SPATA13: variants seen among roughly 807,000 people sequenced by gnomAD.
SPATA13 encodes the protein spermatogenesis-associated protein 13.
In SPATA13, 50 loss-of-function variants were observed where a neutral mutation model predicts 104.0. That is an observed-to-expected ratio of 0.48 (90% confidence interval 0.38 to 0.61). The LOEUF is 0.61. Among genes scored for constraint, SPATA13 ranks in the 20% least tolerant of loss-of-function variants. The pLI is 0.00. For missense variants in SPATA13, 1,524 were observed against 1,690.6 expected, an observed-to-expected ratio of 0.90 and a Z score of 1.73; for synonymous variants, 606 against 667.5, an observed-to-expected ratio of 0.91 and a Z score of 1.42.
At chr13:24,034,903 C>T (rs1173591692) in intron 3 of SPATA13, 1 of 152,242 alleles carries the variant, frequency 6.6e-6, no homozygotes, top group African/African-American at 2.4e-5. Context: ...TAAGCATTCA[C>T]AGGGCCAGGC....
At chr13:24,192,886 C>A (rs9511124) in intron 1 of SPATA13, among the ~76,000 whole-genome samples, 1 of 152,038 alleles carries the variant, frequency 6.6e-6, no homozygotes, top group Non-Finnish European at 1.5e-5. Flanking sequence ...CAGAGCCCAG[C>A]AGGTGGTCCT....
chr13:24,182,928 C>T (rs996798051), intron 1 of SPATA13, among the ~76,000 whole-genome samples: 9 of 152,166 alleles, frequency 5.9e-5, no homozygotes, highest in East Asian at 3.8e-4. Flanking sequence ...CGAGGGCTCA[C>T]AGCAGGGCCT....
At chr13:24,016,244 C>A (rs1172694275) in intron 2 of SPATA13, among the ~76,000 whole-genome samples, 1 of 152,158 alleles carries the variant, frequency 6.6e-6, no homozygotes, top group Non-Finnish European at 1.5e-5. Context: ...TCCCTGCCCA[C>A]CCCTGGAGTG....
chr13:24,144,023 A>G (rs763598523), intron 3 of SPATA13, among the ~76,000 whole-genome samples: 1 of 152,208 alleles, frequency 6.6e-6, no homozygotes, highest in Non-Finnish European at 1.5e-5. Context: ...CAAAGCACGT[A>G]GAGTGGGGAG....
chr13:24,158,260 C>A (rs1310397884), upstream of SPATA13, among the ~76,000 whole-genome samples: 1 of 152,130 alleles, frequency 6.6e-6, no homozygotes, highest in Non-Finnish European at 1.5e-5. Context: ...TTGCAGGAAA[C>A]AACAGAATGC....
chr13:24,215,193 G>A (rs1871211584), intron 1 of SPATA13, among the ~76,000 whole-genome samples: 2 of 152,338 alleles, frequency 1.3e-5, no homozygotes, highest in Non-Finnish European at 2.9e-5. Flanking sequence ...TTCATTGGTG[G>A]CATCATGTCA....
chr13:24,076,824 G>A (rs890829006), intron 3 of SPATA13, among the ~76,000 whole-genome samples: 3 of 151,882 alleles, frequency 2.0e-5, no homozygotes, highest in African/African-American at 7.3e-5. Context: ...CCCAGGGGGC[G>A]TGTTCCAGCA....
chr13:24,038,834 G>A (rs957919569), intron 3 of SPATA13, among the ~76,000 whole-genome samples: 1 of 152,128 alleles, frequency 6.6e-6, no homozygotes, highest in Admixed American at 6.6e-5. Context: ...CAAAAAATTG[G>A]GTGGAATCCT....
intron 1 of SPATA13, among the ~76,000 whole-genome samples, chr13:24,215,727 A>C (rs6490886): frequency 6.6e-6 from 1 of 152,036 alleles, no homozygotes; most frequent in South Asian, 2.1e-4. Flanking sequence ...CTGTTGGGTG[A>C]CTTAGCCTGT....
chr13:24,071,771 C>T (rs1449389006), intron 3 of SPATA13, among the ~76,000 whole-genome samples: 1 of 152,208 alleles, frequency 6.6e-6, no homozygotes, highest in Non-Finnish European at 1.5e-5. Context: ...GGCATTGTCA[C>T]TCACTTTGCT....
intron 2 of SPATA13, among the ~76,000 whole-genome samples, chr13:24,006,917 A>T (rs1166788124): frequency 6.6e-6 from 1 of 152,208 alleles, no homozygotes; most frequent in African/African-American, 2.4e-5. Context: ...TGGAAGGAGG[A>T]TGCTGTGGCA....
At chr13:24,285,223 C>T (rs1875843389) in intron 5 of SPATA13, among the ~76,000 whole-genome samples, 1 of 152,138 alleles carries the variant, frequency 6.6e-6, no homozygotes, top group African/African-American at 2.4e-5. Context: ...TGTTAACGAT[C>T]TCAAGATCAT....
At chr13:24,232,400 T>C (rs1872326989) in intron 2 of SPATA13, among the ~76,000 whole-genome samples, 1 of 152,254 alleles carries the variant, frequency 6.6e-6, no homozygotes, top group Admixed American at 6.5e-5. Flanking sequence ...ATGCCAGTCT[T>C]TTCTGGAAAC....
intron 3 of SPATA13, among the ~76,000 whole-genome samples, chr13:24,086,284 A>G (rs1413678364): frequency 6.6e-6 from 1 of 152,200 alleles, no homozygotes; most frequent in Admixed American, 6.5e-5. Flanking sequence ...CTTGCTAAAA[A>G]AAGGGATCTG....
At chr13:24,037,335 T>A (rs1877727475) in intron 3 of SPATA13, among the ~76,000 whole-genome samples, 1 of 151,518 alleles carries the variant, frequency 6.6e-6, no homozygotes, top group South Asian at 2.1e-4. Flanking sequence ...ACATGTACCC[T>A]AGAACTTAAA....
chr13:24,157,126 T>A (rs1882278188), upstream of SPATA13, among the ~76,000 whole-genome samples: 1 of 152,180 alleles, frequency 6.6e-6, no homozygotes, highest in South Asian at 2.1e-4. Flanking sequence ...AAGTCTGGTC[T>A]GTGGCATCCA....
At chr13:24,110,978 T>A (rs1271670293) in intron 3 of SPATA13, among the ~76,000 whole-genome samples, 1 of 152,182 alleles carries the variant, frequency 6.6e-6, no homozygotes, top group Non-Finnish European at 1.5e-5. Flanking sequence ...ACTTCAGTGA[T>A]GCAGTCCTAG....
At chr13:24,174,335 C>T (rs1883126485) in intron 1 of SPATA13, among the ~76,000 whole-genome samples, 1 of 151,744 alleles carries the variant, frequency 6.6e-6, no homozygotes, top group Non-Finnish European at 1.5e-5. Flanking sequence ...TCTTTTATAT[C>T]TGCTCTTACC....
chr13:24,068,109 C>T (rs1434448051), intron 3 of SPATA13, among the ~76,000 whole-genome samples: 1 of 152,124 alleles, frequency 6.6e-6, no homozygotes, highest in Non-Finnish European at 1.5e-5. Flanking sequence ...ATCACCCAAG[C>T]ATTAAGCCAA....
Sources: gnomAD v4.1 joint callset for allele counts (sites outside exome capture counted in the v4.1 genomes callset) on GRCh38, gnomAD v4.1.1 for gene constraint, MANE v1.5 for transcripts, NCBI Gene and HGNC (gene_info 2026-07-23, HGNC 2026-07-21) for gene names.